The following WWP2 variants were observed in gnomAD, a reference collection of about 807,000 sequenced individuals.
The protein encoded by WWP2 is WW domain containing E3 ubiquitin protein ligase 2.
WWP2 carries 57 observed loss-of-function variants against 121.0 expected under a neutral mutation model. The observed-to-expected ratio is 0.47, with a 90% CI of 0.38 to 0.59. The LOEUF (loss-of-function observed/expected upper bound fraction) is 0.59, where lower values mean the gene tolerates loss of function less well. Among genes scored for constraint, WWP2 ranks in the 20% least tolerant of loss-of-function variants. WWP2 has a pLI of 0.00. For synonymous variants in WWP2, 449 were observed against 441.3 expected (o/e 1.02, Z -0.22); for missense variants, 962 against 1,158.9 (o/e 0.83, Z 2.47).
intron 2 of WWP2, among the ~76,000 whole-genome samples, chr16:69,787,580 C>T (rs1004452371): frequency 3.9e-5 from 6 of 152,046 alleles, no homozygotes; most frequent in African/African-American, 1.4e-4. Context: ...CAGGGTGAGA[C>T]CCTGTCCCAA....
chr16:69,798,530 A>G (rs986198295), intron 2 of WWP2, 152 bp from the exon 3 acceptor site: 2 of 922,784 alleles, frequency 2.2e-6, no homozygotes, highest in Middle Eastern at 3.8e-4. Flanking sequence ...GTGTACTCAC[A>G]TTTCTTTAAA....
intron 7 of WWP2, among the ~76,000 whole-genome samples, chr16:69,875,021 CA>C (rs11449005): frequency 7.2e-4 from 107 of 147,698 alleles, no homozygotes; most frequent in African/African-American, 1.4e-3. Context: ...GACCTTGTGT[CA>C]AAAAAAAAAA....
Position 69,925,047 on chromosome 16 carries a change from TG to T in WWP2, c.1180-381del, listed in dbSNP as rs1227144740. 1 of 1,008,252 alleles carries T rather than the reference TG, an allele frequency of 9.9e-7. No homozygotes were observed. Among genetic ancestry groups the T allele is most frequent in the African/African-American group, 1.7e-5 (1 of 58,126 alleles). The allele number at this position is 1,008,252 out of a possible 1,614,324, so 62.5% of individuals were successfully genotyped here. A position where few individuals can be genotyped will look rare whatever the true frequency, so the allele number is the denominator to read the frequency against. ...GAGGTGGTGGTGATTTCAGTCGCCTTGGCCGCCTTGAGCCGGAGCTGAGCGG... is the reference window on the plus strand; with the variant it reads ...GAGGTGGTGGTGATTTCAGTCGCCTTGCCGCCTTGAGCCGGAGCTGAGCGG... On this transcript the variant is annotated intron_variant, in intron 10 of 23. Transcript: ENST00000359154. The surrounding 1 kb of genome is among the most constrained non-coding windows in gnomAD (Gnocchi z 4.0).
intron 10 of WWP2, among the ~76,000 whole-genome samples, chr16:69,920,073 G>T (rs1475601969): frequency 1.3e-5 from 2 of 152,138 alleles, no homozygotes; most frequent in African/African-American, 4.8e-5. Context: ...GGGATTACAG[G>T]TGTGAGTCAC....
At chr16:69,798,409 G>C (rs1012872405) in intron 2 of WWP2, among the ~76,000 whole-genome samples, 2 of 152,002 alleles carry the variant, frequency 1.3e-5, no homozygotes, top group Non-Finnish European at 2.9e-5. Flanking sequence ...TGAAAATCTG[G>C]AAGGCAATTT....
At chr16:69,771,404 G>A (rs2055412457) in intron 1 of WWP2, among the ~76,000 whole-genome samples, 1 of 152,050 alleles carries the variant, frequency 6.6e-6, no homozygotes, top group Admixed American at 6.6e-5. Flanking sequence ...CTGCCACCAT[G>A]CCCGGCTAAT....
chr16:69,811,574 A>C (rs79451708), intron 4 of WWP2, among the ~76,000 whole-genome samples: 7,060 of 151,862 alleles, frequency 0.046, 525 homozygotes, highest in African/African-American at 0.15. Flanking sequence ...GTAGTGAGAC[A>C]CAGTCTCTAC....
At chr16:69,773,624 G>T (rs2151771124) in intron 1 of WWP2, among the ~76,000 whole-genome samples, 1 of 152,156 alleles carries the variant, frequency 6.6e-6, no homozygotes, top group South Asian at 2.1e-4. Flanking sequence ...GGGACTACAG[G>T]CATGCACCAC....
Position 69,936,465 on chromosome 16 carries a change from C to G in WWP2, c.2117+13C>G, listed in dbSNP as rs762668001. On this transcript the variant is annotated intron_variant, in intron 19 of 23. Transcript: ENST00000359154. The stretch of plus-strand genomic sequence containing the variant: ...AAGAGTACATCATGTGAGTCTCAGG[C>G]GCCGGGGGCTCCGCTCCAGGGGTGG... 6.2e-7 allele frequency: 1 copy of G among 1,613,642 alleles called. No individual in the cohort carries two copies. The highest frequency in any genetic ancestry group is 1.7e-5 in the Admixed American group (1 of 59,984).
At chr16:69,838,653 T>C (rs563786801) in intron 4 of WWP2, 68 of 887,566 alleles carry the variant, frequency 7.7e-5, no homozygotes, top group Non-Finnish European at 8.6e-5. Context: ...TGGCAAGAGG[T>C]GGCTGGGGGT....
At chr16:69,834,520 A>T (rs1388187367) in intron 4 of WWP2, among the ~76,000 whole-genome samples, 15 of 146,272 alleles carry the variant, frequency 1.0e-4, no homozygotes, top group Admixed American at 6.2e-4. Context: ...TCATTAAAAA[A>T]TTTTTTTTTA....
chr16:69,831,900 C>T (rs2056800410), intron 4 of WWP2, among the ~76,000 whole-genome samples: 2 of 148,018 alleles, frequency 1.4e-5, no homozygotes, highest in Admixed American at 1.4e-4. Flanking sequence ...CTGATCTCAG[C>T]TCACTGCAGC....
At chr16:69,858,928 A>C (rs140316156) in intron 6 of WWP2, among the ~76,000 whole-genome samples, 12 of 152,320 alleles carry the variant, frequency 7.9e-5, no homozygotes, top group Non-Finnish European at 1.8e-4. Context: ...ACTGGATCCC[A>C]CAGAGTGATG....
At position 69,937,148 on chromosome 16, in the gene WWP2, C is replaced by T. The variant is rs777789409; in HGVS notation, c.2148C>T (p.Gly716=). The T allele has an allele frequency of 1.3e-5, 21 of 1,613,868 alleles. No individual in the cohort carries two copies. Among genetic ancestry groups the T allele is most frequent in the Non-Finnish European group, 1.5e-5 (18 of 1,179,990 alleles). Residue 716 remains glycine (G), a synonymous_variant, in exon 20 of 24, where the codon GGC becomes GGT. Transcript: ENST00000359154. The surrounding 1 kb of genome is among the most constrained non-coding windows in gnomAD (Gnocchi z 6.6). ...MLLTDWRFTR[G]VEEQTKAFLD... ...TGACTGACTGGCGTTTCACCCGAGG[C>T]GTGGAAGAGCAGACCAAAGCCTTCC...
chr16:69,931,464 C>A (rs369405724), intron 14 of WWP2, 45 bp from the exon 15 acceptor site: 1 of 1,610,418 alleles, frequency 6.2e-7, no homozygotes, highest in East Asian at 2.2e-5. Context: ...GAACAGATGA[C>A]CACTTGAGGC....
At position 69,936,332 on chromosome 16, in the gene WWP2, G is replaced by A. The variant is rs774571665; in HGVS notation, c.1997G>A (p.Cys666Tyr). 8 of 1,614,036 alleles carry A rather than the reference G, an allele frequency of 5.0e-6. No homozygotes were observed. Among genetic ancestry groups the A allele is most frequent in the Admixed American group, 3.3e-5 (2 of 59,996 alleles). The change falls in exon 19 of 24, where the codon TGT becomes TAT. Residue 666 changes from cysteine to tyrosine, a missense_variant. This residue lies in a region of WWP2 where 606 missense variants were observed against 772.6 expected (regional missense o/e 0.78). Transcript: ENST00000359154. ...CCCAGAGAGAACAACCTGGAAGAAT[G>A]TGGCCTGGAGCTGTACTTCATCCAG... ...VWIKENNLEE[C>Y]GLELYFIQDM...
intron 4 of WWP2, among the ~76,000 whole-genome samples, chr16:69,812,662 G>A (rs1393758980): frequency 6.6e-6 from 1 of 151,944 alleles, no homozygotes; most frequent in Non-Finnish European, 1.5e-5. Context: ...TTATTTGGCA[G>A]ATTCCCCTCA....
intron 10 of WWP2, among the ~76,000 whole-genome samples, chr16:69,922,912 C>T (rs1448883344): frequency 3.3e-5 from 5 of 150,666 alleles, no homozygotes; most frequent in African/African-American, 4.9e-5. Context: ...TTTTTTGAGA[C>T]GGAGTCTCGC....
intron 2 of WWP2, among the ~76,000 whole-genome samples, chr16:69,788,912 C>G (rs1252051950): frequency 1.3e-5 from 2 of 152,154 alleles, no homozygotes; most frequent in African/African-American, 2.4e-5. Flanking sequence ...GGGAGAGTGG[C>G]TCTCAGTATC....
Sources: allele counts gnomAD v4.1 joint callset (sites outside exome capture counted in the v4.1 genomes callset), GRCh38; gene constraint gnomAD v4.1.1; regional missense constraint gnomAD v4.1.1; non-coding constraint Gnocchi (gnomAD v3.1); transcripts MANE v1.5; gene names NCBI Gene and HGNC (gene_info 2026-07-23, HGNC 2026-07-21).